Variants in TMC1 observed in about 807,000 individuals in gnomAD.
The protein encoded by TMC1 is transmembrane channel like 1, also known as transmembrane channel-like protein 1.
TMC1 carries 84 observed loss-of-function variants against 105.8 expected under a neutral mutation model. The ratio of observed to expected loss-of-function variants is 0.79; its 90% CI spans 0.67 to 0.95. The LOEUF (loss-of-function observed/expected upper bound fraction) is 0.95. Among genes scored for constraint, TMC1 ranks in the 40% least tolerant of loss-of-function variants. The pLI is 0.00. For synonymous variants in TMC1, 315 were observed against 311.5 expected, an observed-to-expected ratio of 1.01 and a Z score of -0.12; for missense variants, 817 against 914.1, an observed-to-expected ratio of 0.89 and a Z score of 1.37.
rs1827581667 is a variant in TMC1 at position 72,751,657 on chromosome 9, C to G, written c.536-193C>G. Among the ~76,000 whole-genome samples, 3 of 152,294 alleles carry G rather than the reference C, an allele frequency of 2.0e-5. No individual in the cohort carries two copies. In the Middle Eastern group the frequency reaches 0.01, roughly 518 times the overall value. On this transcript the variant is annotated intron_variant, in intron 10 of 23. Coordinates refer to ENST00000297784, the MANE Select transcript of TMC1 (RefSeq NM_138691.3). ...TACGTACCTTCTACATTCCACATGA[C>G]AGGGAATGCTTCCATCATGATTAAC...
Position 72,768,656 on chromosome 9 carries a change from G to A in TMC1, c.742-3757G>A, listed in dbSNP as rs116111980. ...CAAAACAAAACCAGAACCATTCTTG[G>A]GCTTTGGTTATGATCTAGTATTTAT... is the stretch of plus-strand genomic sequence containing the variant. On this transcript the variant is annotated intron_variant, in intron 12 of 23. Transcript: ENST00000297784. Among the ~76,000 whole-genome samples, 749 of 151,788 alleles carry A rather than the reference G, an allele frequency of 4.9e-3. 8 individuals carry two copies. The highest frequency in any genetic ancestry group is 0.017 in the African/African-American group (716 of 41,382).
At chr9:72,584,259 T>C (rs1193305903) in intron 2 of TMC1, among the ~76,000 whole-genome samples, 1 of 143,094 alleles carries the variant, frequency 7.0e-6, no homozygotes, top group Non-Finnish European at 1.5e-5. Context: ...GAAAGCATAA[T>C]GTCACTACTT....
In TMC1 at chr9:72,709,647, A is replaced by G. The variant is rs560999956; in HGVS notation, c.362+9004A>G. Among the ~76,000 whole-genome samples the G allele has an allele frequency of 2.0e-5, 3 of 152,240 alleles. No individual in the cohort carries two copies. The East Asian group carries it at 5.8e-4, about 29-fold the overall frequency. On this transcript the variant is annotated intron_variant, in intron 8 of 23. Coordinates refer to ENST00000297784, the MANE Select transcript of TMC1 (RefSeq NM_138691.3). ...CTTCTAGGTTTTCTAGTTTATGTGCATAAAGGTGTTCATAGTAGCCTTGAG... is the reference window on the plus strand; with the variant it reads ...CTTCTAGGTTTTCTAGTTTATGTGCGTAAAGGTGTTCATAGTAGCCTTGAG...
intron 5 of TMC1, among the ~76,000 whole-genome samples, chr9:72,662,399 G>A (rs1825981878): frequency 6.8e-6 from 1 of 147,164 alleles, no homozygotes; most frequent in Admixed American, 6.8e-5. Flanking sequence ...GTTTCACCAT[G>A]TTGGCCAGGC....
At chr9:72,628,857 A>T (rs1564455105) in intron 4 of TMC1, among the ~76,000 whole-genome samples, 1 of 152,240 alleles carries the variant, frequency 6.6e-6, no homozygotes, top group Non-Finnish European at 1.5e-5. Flanking sequence ...TTCAAGATTT[A>T]CTTAAAATAA....
intron 5 of TMC1, among the ~76,000 whole-genome samples, chr9:72,679,146 A>T (rs1431083146): frequency 6.6e-6 from 1 of 152,088 alleles, no homozygotes. Context: ...TACTTATGAC[A>T]ATGCATGTCT....
chr9:72,759,361 C>G (rs946426854), intron 12 of TMC1, among the ~76,000 whole-genome samples: 1 of 152,156 alleles, frequency 6.6e-6, no homozygotes, highest in Non-Finnish European at 1.5e-5. Flanking sequence ...AAAAAAGTAG[C>G]TCCCCAAGTC....
At chr9:72,818,646 T>C (rs1828826624) in intron 19 of TMC1, 1 of 152,196 alleles carries the variant, frequency 6.6e-6, no homozygotes, top group Non-Finnish European at 1.5e-5. Context: ...GAGAGTTAAA[T>C]AAAAGAAGCT....
intron 5 of TMC1, chr9:72,655,862 A>T (rs1161162278): frequency 1.3e-6 from 1 of 761,202 alleles, no homozygotes; most frequent in Non-Finnish European, 2.4e-6. Flanking sequence ...CTTCCATCTC[A>T]ACTCCTGGCT....
At chr9:72,583,394 A>G (rs542985911) in intron 2 of TMC1, among the ~76,000 whole-genome samples, 32 of 152,300 alleles carry the variant, frequency 2.1e-4, no homozygotes, top group Admixed American at 1.1e-3. Context: ...CATCTTTATT[A>G]TTTAAGAGCA....
intron 17 of TMC1, among the ~76,000 whole-genome samples, chr9:72,795,752 T>A (rs561389331): frequency 6.6e-6 from 1 of 152,142 alleles, no homozygotes; most frequent in South Asian, 2.1e-4. Context: ...GCCAGCATAA[T>A]AATCAGTGAA....
intron 8 of TMC1, among the ~76,000 whole-genome samples, chr9:72,704,326 TTTG>T (rs1826697227): frequency 6.6e-6 from 1 of 152,204 alleles, no homozygotes; most frequent in Admixed American, 6.5e-5. Context: ...TGGAGAAAGT[TTTG>T]AAACTTCTAA....
At chr9:72,591,055 A>C (rs1354527714) in intron 2 of TMC1, among the ~76,000 whole-genome samples, 1 of 152,246 alleles carries the variant, frequency 6.6e-6, no homozygotes, top group Non-Finnish European at 1.5e-5. Context: ...ACTCTAAGGC[A>C]GGACAAAGCA....
At chr9:72,760,588 G>T (rs753469052) in intron 12 of TMC1, among the ~76,000 whole-genome samples, 18 of 152,086 alleles carry the variant, frequency 1.2e-4, no homozygotes, top group Non-Finnish European at 2.1e-4. Context: ...GATGGCATCT[G>T]GAGGCTGTCT....
At chr9:72,548,813 C>T (rs890355815) in intron 1 of TMC1, among the ~76,000 whole-genome samples, 4 of 151,972 alleles carry the variant, frequency 2.6e-5, no homozygotes, top group African/African-American at 9.7e-5. Context: ...TAGTGAGATC[C>T]CATCTCTAAA....
At chr9:72,741,358 G>T in intron 9 of TMC1, 2 of 395,848 alleles carry the variant, frequency 5.1e-6, no homozygotes, top group South Asian at 2.7e-5. Context: ...TTCTTCTTTG[G>T]AGTGGTGTAA....
chr9:72,715,953 C>T, intron 8 of TMC1, among the ~76,000 whole-genome samples: 1 of 152,048 alleles, frequency 6.6e-6, no homozygotes, highest in East Asian at 1.9e-4. Context: ...TCTGAGTGGT[C>T]CTTTTTGTTG....
chr9:72,588,483 A>T lies in TMC1; in HGVS notation c.-306+10460A>T, dbSNP rs193167676. On this transcript the variant is annotated intron_variant, in intron 2 of 23. Transcript: ENST00000297784. ...GATGCTGGCTGTAGACAGAGACCTC[A>T]GCTGTGGCTGTCAGCTTGACCACCT... Among the ~76,000 whole-genome samples, 254 of 152,278 alleles carry T rather than the reference A, an allele frequency of 1.7e-3. 1 individual carries two copies. The highest frequency in any genetic ancestry group is 5.9e-3 in the African/African-American group (246 of 41,566).
intron 2 of TMC1, among the ~76,000 whole-genome samples, chr9:72,602,930 A>G (rs953555184): frequency 6.6e-6 from 1 of 152,190 alleles, no homozygotes; most frequent in African/African-American, 2.4e-5. Context: ...TATGGCTTTT[A>G]GTTTTGGGAG....
Sources: gnomAD v4.1 joint callset for allele counts (sites outside exome capture counted in the v4.1 genomes callset) on GRCh38, gnomAD v4.1.1 for gene constraint, MANE v1.5 for transcripts, NCBI Gene and HGNC (gene_info 2026-07-23, HGNC 2026-07-21) for gene names.